The following SGCG variants were observed in gnomAD, a reference collection of about 807,000 sequenced individuals.
SGCG encodes sarcoglycan gamma.
A neutral mutation model predicts 29.3 loss-of-function variants in SGCG; 26 were observed. That is an observed-to-expected ratio of 0.89 (90% CI 0.65 to 1.23). The LOEUF is 1.23. Ranked by LOEUF, SGCG falls within the 50% of genes most tolerant of loss-of-function variation. The probability of loss-of-function intolerance (pLI) is 0.00; values close to 1 mark genes in which losing one functional copy is unlikely to be tolerated. For synonymous variants in SGCG, 145 were observed against 129.7 expected (o/e 1.12, Z -0.80); for missense variants, 353 against 356.0 (o/e 0.99, Z 0.07).
At chr13:23,178,685 C>A (rs1362871363), upstream of SGCG, among the ~76,000 whole-genome samples, 1 of 152,084 alleles carries the variant, frequency 6.6e-6, no homozygotes, top group African/African-American at 2.4e-5. Context: ...TTTCTCATTC[C>A]CCTATTTCCA....
upstream of SGCG, among the ~76,000 whole-genome samples, chr13:23,176,920 C>G (rs1037330826): frequency 1.3e-5 from 2 of 152,042 alleles, no homozygotes; most frequent in Non-Finnish European, 1.5e-5. Flanking sequence ...CATCTGCATC[C>G]CCATGTTTAT....
At chr13:23,262,520 TATAC>T (rs1880479550) in intron 4 of SGCG, among the ~76,000 whole-genome samples, 1 of 151,948 alleles carries the variant, frequency 6.6e-6, no homozygotes, top group Non-Finnish European at 1.5e-5. Context: ...AAATTACTAC[TATAC>T]CTAAGAAAAG....
intron 5 of SGCG, among the ~76,000 whole-genome samples, chr13:23,286,253 C>A (rs1463219373): frequency 6.6e-6 from 1 of 152,160 alleles, no homozygotes; most frequent in East Asian, 1.9e-4. Context: ...AAAGCAGATG[C>A]AAATTGATCG....
Position 23,314,382 on chromosome 13 carries a change from T to TTATATATATATATATATATATATATATA in SGCG, c.579-6229_579-6228insTATATATATATATATATATATATATATA, listed in dbSNP as rs201480793. Among the ~76,000 whole-genome samples, 16 of 78,586 alleles carry TTATATATATATATATATATATATATATA rather than the reference T, an allele frequency of 2.0e-4. 1 individual carries two copies. Among genetic ancestry groups the TTATATATATATATATATATATATATATA allele is most frequent in the East Asian group, 6.6e-4 (1 of 1,504 alleles). 51.6% of individuals were successfully genotyped at this position (78,586 alleles called of 152,430 possible). On this transcript the variant is annotated intron_variant, in intron 6 of 7. Transcript: ENST00000218867. ...TAAATGAAATGATGTCTGCTATAGG[T>TTATATATATATATATATATATATATATA]TATATATATATATATATATATATAT...
intron 3 of SGCG, among the ~76,000 whole-genome samples, chr13:23,241,040 T>C (rs1024876648): frequency 4.0e-5 from 6 of 150,782 alleles, no homozygotes; most frequent in African/African-American, 1.5e-4. Context: ...TCCCAGCTAC[T>C]TGGGAGGCTG....
chr13:23,254,012 C>T (rs574030021), intron 4 of SGCG, among the ~76,000 whole-genome samples: 1 of 152,296 alleles, frequency 6.6e-6, no homozygotes, highest in Non-Finnish European at 1.5e-5. Context: ...AACCTCTTTT[C>T]TTTATAAATT....
At chr13:23,196,882 A>C (rs1180710938) in intron 1 of SGCG, among the ~76,000 whole-genome samples, 1 of 152,162 alleles carries the variant, frequency 6.6e-6, no homozygotes, top group African/African-American at 2.4e-5. Context: ...GTTTCTTGGA[A>C]GTTTAAAGGA....
At chr13:23,169,736 ACACACACACACG>A in the SGCG span, 1 of 136,208 alleles carries the variant, frequency 7.3e-6, no homozygotes, top group African/African-American at 2.8e-5. Flanking sequence ...ACACACACAC[ACACACACACACG>A]CAACTTCTTT....
chr13:23,268,797 C>A (rs1268183697), intron 4 of SGCG: 1 of 151,952 alleles, frequency 6.6e-6, no homozygotes, highest in Admixed American at 6.6e-5. Flanking sequence ...GTATAATGAA[C>A]CCAGGGCTGC....
chr13:23,186,693 G>T lies in SGCG; in HGVS notation c.-1+5618G>T, dbSNP rs1189073629. 2.6e-5 allele frequency among the ~76,000 whole-genome samples: 4 copies of T among 152,250 alleles called. No individual in the cohort carries two copies. In the East Asian group the frequency reaches 7.7e-4, roughly 29 times the overall value. ...GGGGGCCTCAACGGCAGCTTTAAAA[G>T]ATTGTTCTATCACCCTGTCAGGCCA... On this transcript the variant is annotated intron_variant, in intron 1 of 7. Coordinates refer to ENST00000218867, the MANE Select transcript of SGCG (RefSeq NM_000231.3).
intron 1 of SGCG, among the ~76,000 whole-genome samples, chr13:23,190,845 A>G (rs78317626): frequency 0.056 from 8,587 of 152,230 alleles, 833 homozygotes; most frequent in African/African-American, 0.2. Context: ...ATCACTGACG[A>G]TATTAGGAAA....
intron 3 of SGCG, among the ~76,000 whole-genome samples, chr13:23,237,792 C>A (rs1593190199): frequency 9.8e-6 from 1 of 102,472 alleles, no homozygotes. Context: ...ATGATGAAAT[C>A]TTCATCTAAA....
At chr13:23,317,120 A>T (rs1016558826) in intron 6 of SGCG, among the ~76,000 whole-genome samples, 1 of 151,774 alleles carries the variant, frequency 6.6e-6, no homozygotes, top group African/African-American at 2.4e-5. Flanking sequence ...GCGTGAACCC[A>T]GGAGGCAGAG....
intron 6 of SGCG, among the ~76,000 whole-genome samples, chr13:23,295,879 G>A (rs1881886999): frequency 6.6e-6 from 1 of 152,182 alleles, no homozygotes; most frequent in African/African-American, 2.4e-5. Flanking sequence ...GCTGTGACTG[G>A]CGGGACCTCC....
intron 5 of SGCG, among the ~76,000 whole-genome samples, chr13:23,292,025 T>A (rs35958659): frequency 6.6e-6 from 1 of 152,220 alleles, no homozygotes; most frequent in Middle Eastern, 3.4e-3. Flanking sequence ...GAGTTCTACC[T>A]GCTGCCCTCA....
chr13:23,233,949 C>T (rs1476222375), intron 2 of SGCG, among the ~76,000 whole-genome samples: 1 of 152,142 alleles, frequency 6.6e-6, no homozygotes, highest in Non-Finnish European at 1.5e-5. Context: ...GGGTCCAGTG[C>T]CAAATGCCCC....
chr13:23,180,963 T>C (rs1274742926), upstream of SGCG: 1 of 152,198 alleles, frequency 6.6e-6, no homozygotes, highest in Non-Finnish European at 1.5e-5. Flanking sequence ...TTGCTGAAGC[T>C]TCATCCTTTG....
intron 4 of SGCG, among the ~76,000 whole-genome samples, chr13:23,264,968 A>G (rs796388419): frequency 7.2e-4 from 110 of 152,336 alleles, no homozygotes; most frequent in African/African-American, 2.3e-3. Flanking sequence ...ACTTGAAATC[A>G]TAAAAATTCT....
intron 1 of SGCG, among the ~76,000 whole-genome samples, chr13:23,195,254 A>C (rs1026054295): frequency 6.6e-6 from 1 of 152,198 alleles, no homozygotes. Context: ...TGACACCATA[A>C]AAGCTTTAGA....
Sources: gnomAD v4.1 joint callset for allele counts (sites outside exome capture counted in the v4.1 genomes callset) on GRCh38, gnomAD v4.1.1 for gene constraint, MANE v1.5 for transcripts, NCBI Gene and HGNC (gene_info 2026-07-23, HGNC 2026-07-21) for gene names.